Variants in RPS6KC1 observed in about 807,000 individuals in gnomAD.
The protein encoded by RPS6KC1 is ribosomal protein S6 kinase C1, also known as inactive ribosomal protein S6 kinase delta-1.
A neutral mutation model predicts 103.8 loss-of-function variants in RPS6KC1; 54 were observed. The ratio of observed to expected loss-of-function variants is 0.52; its 90% CI spans 0.42 to 0.65. The LOEUF (loss-of-function observed/expected upper bound fraction) is 0.65, where lower values mean the gene tolerates loss of function less well. RPS6KC1 is among the 30% of genes least tolerant of loss of function. The pLI, the probability that RPS6KC1 is intolerant of heterozygous loss-of-function variation, is 0.00. For missense variants in RPS6KC1, 1,151 were observed against 1,253.8 expected (o/e 0.92, Z 1.24); for synonymous variants, 439 against 438.7 (o/e 1.00, Z -0.01).
the RPS6KC1 span, among the ~76,000 whole-genome samples, chr1:213,566,628 G>A: frequency 6.6e-6 from 1 of 151,108 alleles, no homozygotes; most frequent in South Asian, 2.1e-4. Context: ...CTCAATTTGT[G>A]TTACAATTCG....
the RPS6KC1 span, among the ~76,000 whole-genome samples, chr1:213,855,956 ATGCCTCCTGTC>A: frequency 6.6e-6 from 1 of 152,250 alleles, no homozygotes; most frequent in African/African-American, 2.4e-5. Context: ...CTTCTTTTCC[ATGCCTCCTGTC>A]TGCCTGGGCA....
At chr1:213,324,242 T>G in the RPS6KC1 span, among the ~76,000 whole-genome samples, 1 of 152,172 alleles carries the variant, frequency 6.6e-6, no homozygotes, top group Non-Finnish European at 1.5e-5. Flanking sequence ...GTGAGGAATG[T>G]GGAGAGGATT....
the RPS6KC1 span, among the ~76,000 whole-genome samples, chr1:213,339,517 G>A: frequency 5.3e-5 from 8 of 152,192 alleles, no homozygotes; most frequent in African/African-American, 1.9e-4. Flanking sequence ...TTTCTCTGCA[G>A]CATGGAATAA....
At chr1:213,555,466 C>T in the RPS6KC1 span, among the ~76,000 whole-genome samples, 8 of 152,038 alleles carry the variant, frequency 5.3e-5, no homozygotes, top group African/African-American at 7.2e-5. Flanking sequence ...ATTTTGTTTT[C>T]GCTTTTGTTT....
chr1:213,051,282 GC>G lies in RPS6KC1; in HGVS notation c.-121del. On this transcript the variant is annotated 5_prime_UTR_variant, in exon 1 of 15. Coordinates refer to ENST00000366960, the MANE Select transcript of RPS6KC1 (RefSeq NM_012424.6). The stretch of plus-strand genomic sequence containing the variant: ...TGTGCAGCTGAGGCGCCGCCGTGGA[GC>G]CGCCTTGGAGCCACCGCCCCCTCGC... The G allele has an allele frequency of 1.5e-6, 1 of 669,232 alleles. No individual in the cohort carries two copies. Among genetic ancestry groups the G allele is most frequent in the South Asian group, 1.8e-5 (1 of 54,426 alleles). 41.5% of individuals were successfully genotyped at this position (669,232 alleles called of 1,614,324 possible).
chr1:213,554,907 A>G, the RPS6KC1 span, among the ~76,000 whole-genome samples: 1 of 152,206 alleles, frequency 6.6e-6, no homozygotes, highest in Non-Finnish European at 1.5e-5. Context: ...CCCACTCAGA[A>G]TTTCTACTGC....
chr1:213,127,448 T>A (rs544177828), intron 5 of RPS6KC1, among the ~76,000 whole-genome samples: 1 of 152,332 alleles, frequency 6.6e-6, no homozygotes, highest in South Asian at 2.1e-4. Context: ...GAATTATACA[T>A]AAAGCACTCT....
chr1:213,452,674 C>A, the RPS6KC1 span, among the ~76,000 whole-genome samples: 1 of 152,176 alleles, frequency 6.6e-6, no homozygotes, highest in Non-Finnish European at 1.5e-5. Context: ...GTCCACTGCC[C>A]CGCCTCCGCA....
chr1:213,481,001 T>C, the RPS6KC1 span, among the ~76,000 whole-genome samples: 1 of 152,190 alleles, frequency 6.6e-6, no homozygotes, highest in Non-Finnish European at 1.5e-5. Context: ...CAAAATTTTA[T>C]ATACTGATGG....
downstream of RPS6KC1, among the ~76,000 whole-genome samples, chr1:213,278,553 T>C (rs186736527): frequency 3.3e-5 from 5 of 152,316 alleles, no homozygotes; most frequent in Admixed American, 6.5e-5. Context: ...TAAGAAAACT[T>C]CTTTAAAATT....
At chr1:213,114,151 A>G (rs981445756) in intron 4 of RPS6KC1, among the ~76,000 whole-genome samples, 14 of 152,100 alleles carry the variant, frequency 9.2e-5, no homozygotes, top group Non-Finnish European at 1.6e-4. Context: ...TACCTTGGGC[A>G]GTATGGCCAT....
chr1:213,653,007 C>T, the RPS6KC1 span, among the ~76,000 whole-genome samples: 26 of 152,310 alleles, frequency 1.7e-4, no homozygotes, highest in African/African-American at 5.5e-4. Flanking sequence ...TGGTACATAG[C>T]ACTTTGACAG....
intron 10 of RPS6KC1, 142 bp downstream of exon 10, chr1:213,232,397 A>G (rs984315553): frequency 2.9e-5 from 30 of 1,028,882 alleles, no homozygotes; most frequent in Non-Finnish European, 3.7e-5. Context: ...CTACCTCCCT[A>G]CTTTGAGTTG....
At chr1:213,067,071 C>G (rs1010429157) in intron 1 of RPS6KC1, among the ~76,000 whole-genome samples, 3 of 152,088 alleles carry the variant, frequency 2.0e-5, no homozygotes, top group Non-Finnish European at 4.4e-5. Flanking sequence ...CCTGAAAGCC[C>G]CCTCCCCACG....
the RPS6KC1 span, among the ~76,000 whole-genome samples, chr1:213,656,558 G>A: frequency 8.5e-5 from 13 of 152,176 alleles, no homozygotes; most frequent in Non-Finnish European, 1.6e-4. Context: ...GAGTCAAACA[G>A]AGACTGACAG....
At chr1:213,708,590 G>C in the RPS6KC1 span, among the ~76,000 whole-genome samples, 15 of 152,132 alleles carry the variant, frequency 9.9e-5, no homozygotes, top group African/African-American at 3.6e-4. Context: ...ATACTGTTTT[G>C]AATAGGAGTG....
At chr1:213,301,650 G>A in the RPS6KC1 span, among the ~76,000 whole-genome samples, 1 of 152,116 alleles carries the variant, frequency 6.6e-6, no homozygotes, top group Admixed American at 6.5e-5. Context: ...AGTGAGCTAT[G>A]ATTGCACCAC....
At chr1:213,293,389 C>G in the RPS6KC1 span, among the ~76,000 whole-genome samples, 1 of 152,068 alleles carries the variant, frequency 6.6e-6, no homozygotes, top group African/African-American at 2.4e-5. Flanking sequence ...CTCTCTACCC[C>G]CATTATAAAG....
chr1:213,307,095 A>G, the RPS6KC1 span, among the ~76,000 whole-genome samples: 1 of 122,090 alleles, frequency 8.2e-6, no homozygotes, highest in Admixed American at 9.8e-5. Context: ...CGGAGTCTCC[A>G]TCTGTTGCCC....
Sources: gnomAD v4.1 joint callset for allele counts (sites outside exome capture counted in the v4.1 genomes callset) on GRCh38, gnomAD v4.1.1 for gene constraint, MANE v1.5 for transcripts, NCBI Gene and HGNC (gene_info 2026-07-23, HGNC 2026-07-21) for gene names.